Variants in MAP2K4 observed in about 807,000 individuals in gnomAD.
MAP2K4 encodes the protein mitogen-activated protein kinase kinase 4, also known as dual specificity mitogen-activated protein kinase kinase 4.
In MAP2K4, 4 loss-of-function variants were observed where a neutral mutation model predicts 48.5. The ratio of observed to expected loss-of-function variants is 0.08; its 90% confidence interval spans 0.04 to 0.19. MAP2K4 has a LOEUF of 0.19. MAP2K4 is among the 10% of genes least tolerant of loss of function. MAP2K4 has a pLI of 1.00. For synonymous variants in MAP2K4, 166 were observed against 173.1 expected (o/e 0.96, Z 0.32); for missense variants, 258 against 493.3 (o/e 0.52, Z 4.52).
intron 9 of MAP2K4, among the ~76,000 whole-genome samples, chr17:12,136,699 G>T (rs1246083136): frequency 6.6e-6 from 1 of 152,168 alleles, no homozygotes; most frequent in African/African-American, 2.4e-5. Flanking sequence ...AATAGTTTAA[G>T]ATTTCAACCC....
At position 12,143,123 on chromosome 17, in the gene MAP2K4, G is replaced by A. The variant is rs930582226; in HGVS notation, c.*1863G>A. ...TAGACTTCCCACTGTTCTGAAAGGA[G>A]ACATTGCTCTATGTCTGCCTTCGAC... On this transcript the variant is annotated 3_prime_UTR_variant, in exon 11 of 11. Transcript: ENST00000353533. 8 of 232,938 alleles carry A rather than the reference G, an allele frequency of 3.4e-5. No individual in the cohort carries two copies. The highest frequency in any genetic ancestry group is 1.5e-4 in the African/African-American group (7 of 45,310). 14.4% of individuals were successfully genotyped at this position (232,938 alleles called of 1,614,324 possible). A position where few individuals can be genotyped will look rare whatever the true frequency, so the allele number is the denominator to read the frequency against.
rs1025397785 is a variant in MAP2K4, at chr17:12,113,272, A to G, written c.725A>G (p.Asn242Ser). 5 of 1,613,780 alleles carry G rather than the reference A, an allele frequency of 3.1e-6. No individual in the cohort carries two copies. The highest frequency in any genetic ancestry group is 3.3e-5 in the Admixed American group (2 of 59,990). ...AATATTCTTCTGGACAGAAGTGGAA[A>G]TATTAAGCTCTGTGACTTCGGCATC... Reference protein sequence around the residue: ...PSNILLDRSGNIKLCDFGISG... With the variant: ...PSNILLDRSGSIKLCDFGISG... The change falls in exon 7 of 11, where the codon AAT (asparagine) becomes AGT (serine). Residue 242 changes from asparagine to serine, a missense_variant. Asn to Ser is a conservative substitution (Grantham distance 46). This residue lies in a region of MAP2K4 where 132 missense variants were observed against 352.8 expected (regional missense o/e 0.37). Transcript: ENST00000353533.
chr17:12,023,673 G>T (rs1376800460), intron 1 of MAP2K4, among the ~76,000 whole-genome samples: 1 of 152,158 alleles, frequency 6.6e-6, no homozygotes, highest in Admixed American at 6.5e-5. Flanking sequence ...ATGGCTTCAT[G>T]TTTATGGCCC....
In MAP2K4 at chr17:12,098,709, A is replaced by T. The variant is rs117841130; in HGVS notation, c.513+3015A>T. Among the ~76,000 whole-genome samples the T allele has an allele frequency of 1.9e-3, 286 of 152,096 alleles. No individual in the cohort carries two copies. The East Asian group carries it at 0.035, about 18-fold the overall frequency. The stretch of plus-strand genomic sequence containing the variant: ...GTATGTAGTCAGGACTTTTTAGCTT[A>T]CCTTACTATCACTGTGAGAGAGACA... On this transcript the variant is annotated intron_variant, in intron 4 of 10. Coordinates refer to ENST00000353533, the MANE Select transcript of MAP2K4 (RefSeq NM_003010.4).
chr17:12,086,009 C>G (rs1175061403), intron 3 of MAP2K4, among the ~76,000 whole-genome samples: 1 of 152,110 alleles, frequency 6.6e-6, no homozygotes, highest in Non-Finnish European at 1.5e-5. Context: ...AGTGTTTAAA[C>G]ATTGGTCTTG....
chr17:12,121,021 A>G lies in MAP2K4; in HGVS notation c.814-4273A>G, dbSNP rs540880620. Reference sequence around the variant, plus strand: ...GTATTTGTGTGAACAAGTGTAAGACAATGATTGCCTATTAATAGCATGTAA... The same window carrying G: ...GTATTTGTGTGAACAAGTGTAAGACGATGATTGCCTATTAATAGCATGTAA... On this transcript the variant is annotated intron_variant, in intron 7 of 10. Coordinates refer to ENST00000353533, the MANE Select transcript of MAP2K4 (RefSeq NM_003010.4). 1.1e-4 allele frequency among the ~76,000 whole-genome samples: 16 copies of G among 152,328 alleles called. No individual in the cohort carries two copies. In the East Asian group the frequency reaches 1.2e-3, roughly 11 times the overall value.
At chr17:12,056,397 CAG>C (rs1349236711) in intron 2 of MAP2K4, among the ~76,000 whole-genome samples, 4 of 151,984 alleles carry the variant, frequency 2.6e-5, no homozygotes, top group Non-Finnish European at 4.4e-5. Flanking sequence ...ATAGTAAACA[CAG>C]GGTGGAAAAA....
At chr17:12,067,399 A>G (rs1325319288) in intron 2 of MAP2K4, among the ~76,000 whole-genome samples, 1 of 152,068 alleles carries the variant, frequency 6.6e-6, no homozygotes, top group East Asian at 1.9e-4. Context: ...TAGATTGGAA[A>G]ATTCTTTGTT....
At chr17:12,129,093 A>T in intron 8 of MAP2K4, 46 bp from the exon 9 acceptor site, 2 of 1,600,886 alleles carry the variant, frequency 1.2e-6, no homozygotes, top group East Asian at 2.2e-5. Flanking sequence ...GGGGAGTAGT[A>T]AATGATGCCT....
intron 1 of MAP2K4, among the ~76,000 whole-genome samples, chr17:12,029,257 A>C (rs1171902386): frequency 6.6e-6 from 1 of 152,088 alleles, no homozygotes; most frequent in Non-Finnish European, 1.5e-5. Context: ...ATGTAGCTTT[A>C]TTTCTTTTAT....
intron 2 of MAP2K4, among the ~76,000 whole-genome samples, chr17:12,059,615 A>G (rs1970388222): frequency 6.6e-6 from 1 of 152,188 alleles, no homozygotes; most frequent in African/African-American, 2.4e-5. Flanking sequence ...TTGGAACCAC[A>G]CGTTTTAAGT....
At chr17:12,099,418 T>C (rs539181614) in intron 4 of MAP2K4, among the ~76,000 whole-genome samples, 1 of 152,230 alleles carries the variant, frequency 6.6e-6, no homozygotes, top group Admixed American at 6.5e-5. Flanking sequence ...GTAGTAGGAT[T>C]GCTGGATCAA....
intron 2 of MAP2K4, among the ~76,000 whole-genome samples, chr17:12,068,176 T>C (rs1234640343): frequency 6.6e-6 from 1 of 152,074 alleles, no homozygotes; most frequent in Non-Finnish European, 1.5e-5. Flanking sequence ...CAAACAAATT[T>C]AGATTAAGGG....
chr17:12,125,203 G>T (rs1402159435), intron 7 of MAP2K4, 91 bp from the exon 8 acceptor site: 33 of 837,304 alleles, frequency 3.9e-5, no homozygotes, highest in Non-Finnish European at 3.4e-5. Context: ...GAATATACTG[G>T]CATTTTGGCT....
intron 2 of MAP2K4, among the ~76,000 whole-genome samples, chr17:12,055,375 A>AT (rs1970253000): frequency 6.6e-6 from 1 of 152,118 alleles, no homozygotes; most frequent in South Asian, 2.1e-4. Flanking sequence ...TAGTGAAAAT[A>AT]TTAGAGCATC....
At position 12,131,106 on chromosome 17, in the gene MAP2K4, G is replaced by A. The variant is rs562004007; in HGVS notation, c.1040+1819G>A. On this transcript the variant is annotated intron_variant, in intron 9 of 10. Transcript: ENST00000353533. The stretch of plus-strand genomic sequence containing the variant: ...CATATTTAAATTTCATGATGGGGAG[G>A]ATAAATAATGAAAAAAATACTGAGA... 2.6e-5 allele frequency among the ~76,000 whole-genome samples: 4 copies of A among 151,904 alleles called. No homozygotes were observed. In the East Asian group the frequency reaches 7.7e-4, roughly 29 times the overall value.
rs1378229790 is a variant in MAP2K4 at position 12,066,574 on chromosome 17, G to C, written c.218+11583G>C. Among the ~76,000 whole-genome samples the C allele has an allele frequency of 2.6e-5, 4 of 152,112 alleles. No individual in the cohort carries two copies. The East Asian group carries it at 7.7e-4, about 29-fold the overall frequency. ...TTTGAGATTTTCTCACTCTTGCCCAGGCTGGAGTGCTGTAGTGCAATCTCA... is the reference window on the plus strand; with the variant it reads ...TTTGAGATTTTCTCACTCTTGCCCACGCTGGAGTGCTGTAGTGCAATCTCA... On this transcript the variant is annotated intron_variant, in intron 2 of 10. Transcript: ENST00000353533.
chr17:12,069,080 A>T (rs1011622665), intron 2 of MAP2K4, among the ~76,000 whole-genome samples: 2 of 152,198 alleles, frequency 1.3e-5, no homozygotes, highest in Non-Finnish European at 2.9e-5. Context: ...GCATGATGTT[A>T]TAGAAATCTA....
chr17:12,030,176 G>A (rs1017269430), intron 1 of MAP2K4, among the ~76,000 whole-genome samples: 1 of 152,068 alleles, frequency 6.6e-6, no homozygotes, highest in Non-Finnish European at 1.5e-5. Flanking sequence ...ACTTTTGCAG[G>A]TCTTAAAGAT....
Sources: gnomAD v4.1 joint callset for allele counts (sites outside exome capture counted in the v4.1 genomes callset) on GRCh38, gnomAD v4.1.1 for gene constraint, gnomAD v4.1.1 regional missense constraint, MANE v1.5 for transcripts, NCBI Gene and HGNC (gene_info 2026-07-23, HGNC 2026-07-21) for gene names.